Variants in SH3RF3 observed in about 807,000 individuals in gnomAD.
SH3RF3 encodes the protein E3 ubiquitin-protein ligase SH3RF3.
Under a neutral mutation model 66.3 loss-of-function variants are expected in SH3RF3, and 29 were observed. The observed-to-expected ratio is 0.44, with a 90% CI of 0.33 to 0.60. The LOEUF (loss-of-function observed/expected upper bound fraction) is 0.60. Ranked by LOEUF, SH3RF3 falls within the 20% of genes least tolerant of loss-of-function variation. SH3RF3 has a pLI of 0.04. For synonymous variants in SH3RF3, 583 were observed against 532.0 expected (o/e 1.10, Z -1.32); for missense variants, 1,194 against 1,190.9 (o/e 1.00, Z -0.04).
chr2:109,130,243 C>G (rs1676657349), intron 1 of SH3RF3, 130 bp downstream of exon 1: 2 of 906,494 alleles, frequency 2.2e-6, no homozygotes, highest in East Asian at 3.4e-5. Context: ...TCCGCTGTTG[C>G]TCTTCCTCCA....
At chr2:109,392,515 CT>C (rs1010075800) in intron 3 of SH3RF3, among the ~76,000 whole-genome samples, 98 of 146,434 alleles carry the variant, frequency 6.7e-4, no homozygotes, top group Admixed American at 7.5e-4. Context: ...CTTGCTTCTT[CT>C]TTTTTTTTTT....
intron 4 of SH3RF3, among the ~76,000 whole-genome samples, chr2:109,403,408 C>A (rs1314907838): frequency 6.6e-6 from 1 of 152,236 alleles, no homozygotes; most frequent in African/African-American, 2.4e-5. Flanking sequence ...ATTGTTTCCA[C>A]TTCAGAGATG....
At chr2:109,372,624 G>A (rs1295475970) in intron 3 of SH3RF3, among the ~76,000 whole-genome samples, 6 of 152,224 alleles carry the variant, frequency 3.9e-5, no homozygotes, top group Non-Finnish European at 8.8e-5. Context: ...GCATTCTCAA[G>A]GTCCCACAGC....
intron 1 of SH3RF3, among the ~76,000 whole-genome samples, chr2:109,312,968 A>G (rs143985702): frequency 6.6e-6 from 1 of 152,142 alleles, no homozygotes; most frequent in Non-Finnish European, 1.5e-5. Flanking sequence ...CAGCCCTTGG[A>G]TTTCACTTTT....
At chr2:109,182,351 T>C (rs1226931274) in intron 1 of SH3RF3, among the ~76,000 whole-genome samples, 1 of 152,180 alleles carries the variant, frequency 6.6e-6, no homozygotes, top group Non-Finnish European at 1.5e-5. Context: ...CCCATGACAA[T>C]GGCATTAACC....
chr2:109,484,608 T>C (rs762555329), intron 8 of SH3RF3, among the ~76,000 whole-genome samples: 2 of 152,208 alleles, frequency 1.3e-5, no homozygotes, highest in Non-Finnish European at 2.9e-5. Flanking sequence ...CCCTGGTCCA[T>C]CATATCTAGT....
Position 109,498,889 on chromosome 2 carries a change from G to A in SH3RF3, c.2481-2614G>A, listed in dbSNP as rs572997347. On this transcript the variant is annotated intron_variant, in intron 9 of 9. Coordinates refer to ENST00000309415, the MANE Select transcript of SH3RF3 (RefSeq NM_001099289.3). ...GGGAAGGGCGTTCTGGGCAGAGGGAGCAGCATATGGAGGAGCCCTGAGGTG... is the reference window on the plus strand; with the variant it reads ...GGGAAGGGCGTTCTGGGCAGAGGGAACAGCATATGGAGGAGCCCTGAGGTG... Among the ~76,000 whole-genome samples, 69 of 152,352 alleles carry A rather than the reference G, an allele frequency of 4.5e-4. 2 individuals carry two copies. In the South Asian group the frequency reaches 0.014, roughly 31 times the overall value.
chr2:109,361,074 T>C (rs188627335), intron 2 of SH3RF3, among the ~76,000 whole-genome samples: 8 of 152,358 alleles, frequency 5.3e-5, no homozygotes, highest in Non-Finnish European at 4.4e-5. Flanking sequence ...CTGTATTTAC[T>C]GATATGAGCA....
At chr2:109,210,270 G>T (rs539870113) in intron 1 of SH3RF3, among the ~76,000 whole-genome samples, 14 of 152,322 alleles carry the variant, frequency 9.2e-5, no homozygotes, top group African/African-American at 3.4e-4. Flanking sequence ...GCGTGTAGGT[G>T]TACAAACATC....
At chr2:109,270,546 G>A (rs6749266) in intron 1 of SH3RF3, among the ~76,000 whole-genome samples, 152,219 of 152,296 alleles carry the variant, frequency 1, 76,073 homozygotes, top group Middle Eastern at 1. Flanking sequence ...TGTGATCAGC[G>A]GTGACAGCCC....
At chr2:109,136,838 T>G (rs1676825666) in intron 1 of SH3RF3, among the ~76,000 whole-genome samples, 2 of 152,126 alleles carry the variant, frequency 1.3e-5, no homozygotes. Context: ...GAAGCATGCT[T>G]GCACCGGGGC....
intron 1 of SH3RF3, among the ~76,000 whole-genome samples, chr2:109,249,576 CTTCCTTCCT>C (rs1429937509): frequency 1.2e-4 from 14 of 116,990 alleles, no homozygotes; most frequent in South Asian, 5.1e-4. Context: ...TCCTTCCTTC[CTTCCTTCCT>C]TTCCTTTCTT....
At chr2:109,147,447 T>C (rs377170728) in intron 1 of SH3RF3, among the ~76,000 whole-genome samples, 2 of 152,350 alleles carry the variant, frequency 1.3e-5, no homozygotes, top group African/African-American at 4.8e-5. Context: ...AGAAACATCA[T>C]ATCTGTGCGT....
intron 3 of SH3RF3, among the ~76,000 whole-genome samples, chr2:109,388,108 A>C (rs896464171): frequency 2.8e-4 from 43 of 152,176 alleles, no homozygotes; most frequent in African/African-American, 1.0e-3. Context: ...CACATTCACC[A>C]TCCTACGCCT....
chr2:109,301,393 C>CT lies in SH3RF3; in HGVS notation c.574-46280dup, dbSNP rs571590206. On this transcript the variant is annotated intron_variant, in intron 1 of 9. Transcript: ENST00000309415. ...TGTGTGGTGGGGGGACCTTGGGTCT[C>CT]TGTCTGTGTATGAACTCATGTAGTC... Among the ~76,000 whole-genome samples, 978 of 151,966 alleles carry CT rather than the reference C, an allele frequency of 6.4e-3. 11 individuals carry two copies. The highest frequency in any genetic ancestry group is 0.023 in the African/African-American group (937 of 41,414).
chr2:109,201,934 T>TA (rs759920710), intron 1 of SH3RF3, among the ~76,000 whole-genome samples: 2 of 152,284 alleles, frequency 1.3e-5, no homozygotes, highest in Admixed American at 6.5e-5. Context: ...CGTGGCATCA[T>TA]AAAAAAACTG....
intron 1 of SH3RF3, among the ~76,000 whole-genome samples, chr2:109,276,927 G>A (rs1558996866): frequency 6.6e-6 from 1 of 152,100 alleles, no homozygotes; most frequent in African/African-American, 2.4e-5. Flanking sequence ...TTCATGTTTC[G>A]GGGAGGGTGT....
At position 109,371,589 on chromosome 2, in the gene SH3RF3, G is replaced by A. The variant is rs199594067; in HGVS notation, c.853G>A (p.Glu285Lys). The A allele has an allele frequency of 4.4e-4, 711 of 1,613,956 alleles. 1 individual carries two copies. Among genetic ancestry groups the A allele is most frequent in the Non-Finnish European group, 5.5e-4 (652 of 1,179,878 alleles). ...DKDCLTFTKD[E>K]ILTVLRRVDE... ...CACGGTGGACCCGGAACTGCAGGAC[G>A]AGATTCTGACGGTGCTCAGGAGAGT... is the stretch of plus-strand genomic sequence containing the variant. Residue 285 changes from glutamate (E) to lysine (K), a missense_variant, in exon 3 of 10, where the codon GAG becomes AAG. Glu to Lys is a moderately conservative substitution (Grantham distance 56). Transcript: ENST00000309415.
Position 109,347,961 on chromosome 2 carries a change from C to A in SH3RF3, c.849+12C>A. The A allele has an allele frequency of 6.3e-7, 1 of 1,588,794 alleles. No individual in the cohort carries two copies. Among genetic ancestry groups the A allele is most frequent in the South Asian group, 1.1e-5 (1 of 87,268 alleles). ...TGACCTTCACCAAGGTAAGGTGAGC[C>A]CCGGGGTGGGCCCCGCCAGCCCATG... is the stretch of plus-strand genomic sequence containing the variant. On this transcript the variant is annotated intron_variant, in intron 2 of 9. Transcript: ENST00000309415.
Sources: gnomAD v4.1 joint callset for allele counts (sites outside exome capture counted in the v4.1 genomes callset) on GRCh38, gnomAD v4.1.1 for gene constraint, MANE v1.5 for transcripts, NCBI Gene and HGNC (gene_info 2026-07-23, HGNC 2026-07-21) for gene names.